Variants in DIP2C observed in about 807,000 individuals in gnomAD.
DIP2C encodes disco-interacting protein 2 homolog C.
A neutral mutation model predicts 192.4 loss-of-function variants in DIP2C; 33 were observed. The ratio of observed to expected loss-of-function variants is 0.17; its 90% CI spans 0.13 to 0.23. DIP2C has a LOEUF of 0.23. Among genes scored for constraint, DIP2C ranks in the 10% least tolerant of loss-of-function variants. The pLI is 1.00. For synonymous variants in DIP2C, 979 were observed against 864.1 expected, an observed-to-expected ratio of 1.13 and a Z score of -2.33; for missense variants, 1,537 against 2,110.1, an observed-to-expected ratio of 0.73 and a Z score of 5.32.
intron 1 of DIP2C, among the ~76,000 whole-genome samples, chr10:589,837 A>G (rs1851298643): frequency 6.6e-6 from 1 of 152,214 alleles, no homozygotes; most frequent in Admixed American, 6.5e-5. Flanking sequence ...GGGGGAAGGC[A>G]ATTCATTTCA....
intron 17 of DIP2C, among the ~76,000 whole-genome samples, chr10:381,822 C>G (rs959589902): frequency 2.0e-5 from 3 of 152,198 alleles, no homozygotes; most frequent in Admixed American, 1.3e-4. Flanking sequence ...TCTTCCCCAC[C>G]ACTGGGAGTA....
rs1327941651 is a variant in DIP2C at position 541,674 on chromosome 10, A to G, written c.86-55144T>C. 7.1e-5 allele frequency among the ~76,000 whole-genome samples: 10 copies of G among 139,886 alleles called. No individual in the cohort carries two copies. In the Admixed American group the frequency reaches 7.2e-4, roughly 10 times the overall value. 91.8% of individuals were successfully genotyped at this position (139,886 alleles called of 152,430 possible). A position where few individuals can be genotyped will look rare whatever the true frequency, so the allele number is the denominator to read the frequency against. On this transcript the variant is annotated intron_variant, in intron 1 of 36. Transcript: ENST00000280886. ...ACCCGACCACACCCGTCTCTCCTGG[A>G]ACCCCAAGAGTGACCCTCCACCTGA...
At chr10:560,793 C>A (rs368659835) in intron 1 of DIP2C, among the ~76,000 whole-genome samples, 119 of 152,298 alleles carry the variant, frequency 7.8e-4, no homozygotes, top group South Asian at 4.2e-3. Context: ...AAAAACTAGT[C>A]CAGGCCATGA....
In DIP2C at chr10:363,168, G is replaced by A; in HGVS notation, c.2592+29C>T. The stretch of plus-strand genomic sequence containing the variant: ...AGGAGGCCAGAAACAAGACACAGGG[G>A]ACCAGTGCCCAGGGCGAGGGAGGGC... On this transcript the variant is annotated intron_variant, in intron 21 of 36. Transcript: ENST00000280886. The surrounding 1 kb of genome is among the most constrained non-coding windows in gnomAD (Gnocchi z 5.4). 6.3e-7 allele frequency: 1 copy of A among 1,590,408 alleles called. No individual in the cohort carries two copies. The highest frequency in any genetic ancestry group is 8.6e-7 in the Non-Finnish European group (1 of 1,160,596).
At chr10:336,775 G>A (rs1298883387) in intron 29 of DIP2C, among the ~76,000 whole-genome samples, 2 of 152,372 alleles carry the variant, frequency 1.3e-5, no homozygotes, top group Admixed American at 6.5e-5. Context: ...TGGGACAAGA[G>A]GTGGAGGGGA....
At chr10:548,285 CTG>C (rs1195146252) in intron 1 of DIP2C, among the ~76,000 whole-genome samples, 1 of 148,570 alleles carries the variant, frequency 6.7e-6, no homozygotes, top group Non-Finnish European at 1.5e-5. Context: ...GGTGCCCTCT[CTG>C]GAGTTGTCGC....
intron 6 of DIP2C, among the ~76,000 whole-genome samples, chr10:417,150 A>G (rs2133117067): frequency 6.6e-6 from 1 of 152,338 alleles, no homozygotes; most frequent in African/African-American, 2.4e-5. Context: ...CAGATGAATC[A>G]TACCATTCCA....
chr10:650,913 G>A, intron 1 of DIP2C: 1 of 716,636 alleles, frequency 1.4e-6, no homozygotes, highest in Non-Finnish European at 2.6e-6. Context: ...GAAGCTGAGG[G>A]TGTGTCCATG....
intron 1 of DIP2C, among the ~76,000 whole-genome samples, chr10:579,038 C>T (rs1850380356): frequency 6.6e-6 from 1 of 151,996 alleles, no homozygotes; most frequent in South Asian, 2.1e-4. Flanking sequence ...CATCCAGACC[C>T]AGTGTACAAA....
At chr10:513,743 G>C (rs1051615714) in intron 1 of DIP2C, among the ~76,000 whole-genome samples, 2 of 151,784 alleles carry the variant, frequency 1.3e-5, no homozygotes, top group African/African-American at 2.4e-5. Flanking sequence ...AAAAACTCAC[G>C]TTAGCTCACG....
Position 316,604 on chromosome 10 carries a change from T to A in DIP2C, c.3925-6512A>T, listed in dbSNP as rs1469304302. On this transcript the variant is annotated intron_variant, in intron 31 of 36. Coordinates refer to ENST00000280886, the MANE Select transcript of DIP2C (RefSeq NM_014974.3). Reference sequence around the variant, plus strand: ...GTGTGAGTGGAGTTCCCACGGTGATTTGGGCTGCCCTGGAGGGTAGCCAGG... The same window carrying A: ...GTGTGAGTGGAGTTCCCACGGTGATATGGGCTGCCCTGGAGGGTAGCCAGG... Among the ~76,000 whole-genome samples, 3 of 152,182 alleles carry A rather than the reference T, an allele frequency of 2.0e-5. No homozygotes were observed. In the South Asian group the frequency reaches 6.2e-4, roughly 32 times the overall value.
intron 1 of DIP2C, among the ~76,000 whole-genome samples, chr10:578,427 C>T (rs1850320913): frequency 6.6e-6 from 1 of 152,210 alleles, no homozygotes; most frequent in South Asian, 2.1e-4. Flanking sequence ...TATATTAGTT[C>T]TACCTCACTG....
rs896539565 is a variant in DIP2C, at chr10:310,618, C to T, written c.3925-526G>A. Among the ~76,000 whole-genome samples, 20 of 152,312 alleles carry T rather than the reference C, an allele frequency of 1.3e-4. 1 individual carries two copies. Among genetic ancestry groups the T allele is most frequent in the South Asian group, 1.0e-3 (5 of 4,832 alleles). On this transcript the variant is annotated intron_variant, in intron 31 of 36. Coordinates refer to ENST00000280886, the MANE Select transcript of DIP2C (RefSeq NM_014974.3). ...CTCTCTGGCCTGAGGAGGGCATTTC[C>T]GGCCAAGACACAGGTCAGGGAAGGG... is the stretch of plus-strand genomic sequence containing the variant.
intron 14 of DIP2C, among the ~76,000 whole-genome samples, chr10:385,034 C>G (rs1160997584): frequency 6.7e-6 from 1 of 149,986 alleles, no homozygotes; most frequent in Non-Finnish European, 1.5e-5. Context: ...GCCACGGACA[C>G]CAGGCTGCAC....
At chr10:534,508 A>AC (rs1039625182) in intron 1 of DIP2C, among the ~76,000 whole-genome samples, 2 of 152,152 alleles carry the variant, frequency 1.3e-5, no homozygotes, top group Non-Finnish European at 2.9e-5. Flanking sequence ...AAAAGATACA[A>AC]CATCGGTGTT....
Position 651,831 on chromosome 10 carries a change from C to T in DIP2C, c.85+37663G>A, listed in dbSNP as rs963792207. ...GCGGCATGAGAGAGATGGTGTGGGGCGAAACCAATGGGGAAACTACAAAAG... is the reference window on the plus strand; with the variant it reads ...GCGGCATGAGAGAGATGGTGTGGGGTGAAACCAATGGGGAAACTACAAAAG... On this transcript the variant is annotated intron_variant, in intron 1 of 36. Transcript: ENST00000280886. The surrounding 1 kb of genome is among the most constrained non-coding windows in gnomAD (Gnocchi z 4.1). The T allele has an allele frequency of 1.3e-5, 3 of 222,316 alleles. No homozygotes were observed. Among genetic ancestry groups the T allele is most frequent in the South Asian group, 6.4e-5 (1 of 15,646 alleles). The allele number at this position is 222,316 out of a possible 1,614,324, so 13.8% of individuals were successfully genotyped here. A position where few individuals can be genotyped will look rare whatever the true frequency, so the allele number is the denominator to read the frequency against.
At chr10:372,120 G>C (rs1479769406) in intron 17 of DIP2C, among the ~76,000 whole-genome samples, 2 of 147,366 alleles carry the variant, frequency 1.4e-5, no homozygotes, top group African/African-American at 2.5e-5. Flanking sequence ...CTGTCACCCA[G>C]GCTGCAGTGC....
chr10:477,121 AAAG>A (rs1226723764), intron 2 of DIP2C, among the ~76,000 whole-genome samples: 3 of 150,102 alleles, frequency 2.0e-5, no homozygotes, highest in Non-Finnish European at 3.0e-5. Flanking sequence ...CACAGAAGGA[AAAG>A]AAGGCAGTGA....
intron 1 of DIP2C, among the ~76,000 whole-genome samples, chr10:600,276 C>T (rs1341934947): frequency 1.3e-5 from 2 of 152,186 alleles, no homozygotes. Context: ...CTGCCTTGCC[C>T]AGCTCATGTC....
Sources: gnomAD v4.1 joint callset for allele counts (sites outside exome capture counted in the v4.1 genomes callset) on GRCh38, gnomAD v4.1.1 for gene constraint, Gnocchi (gnomAD v3.1) non-coding constraint, MANE v1.5 for transcripts, NCBI Gene and HGNC (gene_info 2026-07-23, HGNC 2026-07-21) for gene names.